The following PKN2 variants were observed in gnomAD, a reference collection of about 807,000 sequenced individuals.
The protein encoded by PKN2 is serine/threonine-protein kinase N2.
PKN2 carries 38 observed loss-of-function variants against 119.1 expected under a neutral mutation model. That is an observed-to-expected ratio of 0.32 (90% CI 0.25 to 0.42). The LOEUF (loss-of-function observed/expected upper bound fraction) is 0.42, where lower values mean the gene tolerates loss of function less well. PKN2 is among the 10% of genes least tolerant of loss of function. The probability of loss-of-function intolerance (pLI) is 1.00; values close to 1 mark genes in which losing one functional copy is unlikely to be tolerated. For synonymous variants in PKN2, 390 were observed against 384.9 expected (o/e 1.01, Z -0.15); for missense variants, 850 against 1,165.1 (o/e 0.73, Z 3.94).
chr1:88,797,355 A>G (rs545088516), intron 8 of PKN2, among the ~76,000 whole-genome samples: 1 of 151,544 alleles, frequency 6.6e-6, no homozygotes, highest in East Asian at 1.9e-4. Flanking sequence ...AAAAGAAAGA[A>G]AATGTCTTCC....
chr1:88,752,542 A>G (rs545986859), intron 2 of PKN2, among the ~76,000 whole-genome samples: 1 of 152,054 alleles, frequency 6.6e-6, no homozygotes, highest in South Asian at 2.1e-4. Context: ...CTATATTTTT[A>G]AAAAATTTGC....
At chr1:88,739,943 T>C (rs1238789502) in intron 1 of PKN2, among the ~76,000 whole-genome samples, 1 of 152,094 alleles carries the variant, frequency 6.6e-6, no homozygotes, top group East Asian at 1.9e-4. Context: ...AGTATACAGT[T>C]GGCCATTCAT....
chr1:88,690,432 A>G (rs1043840292), intron 1 of PKN2, among the ~76,000 whole-genome samples: 4 of 152,224 alleles, frequency 2.6e-5, no homozygotes, highest in African/African-American at 9.6e-5. Context: ...AAATGTCTAT[A>G]TTATTTCAAA....
chr1:88,791,594 C>T (rs1308974350), intron 8 of PKN2, among the ~76,000 whole-genome samples: 1 of 152,092 alleles, frequency 6.6e-6, no homozygotes, highest in Non-Finnish European at 1.5e-5. Flanking sequence ...TATGTCCAGT[C>T]TCTTGGATCA....
In PKN2 at chr1:88,684,375, C is replaced by T; in HGVS notation, c.-206C>T. The T allele has an allele frequency of 2.0e-6, 1 of 498,808 alleles. No homozygotes were observed. The highest frequency in any genetic ancestry group is 3.5e-6 in the Non-Finnish European group (1 of 282,366). The allele number at this position is 498,808 out of a possible 1,614,324, so 30.9% of individuals were successfully genotyped here. Reference sequence around the variant, plus strand: ...GGTGAGGGCGGCGAGAGGAAGCCCGCTACGAGTGCCCTAGCTCCCCGCCGC... The same window carrying T: ...GGTGAGGGCGGCGAGAGGAAGCCCGTTACGAGTGCCCTAGCTCCCCGCCGC... On this transcript the variant is annotated 5_prime_UTR_variant, in exon 1 of 22. Transcript: ENST00000370521.
intron 8 of PKN2, among the ~76,000 whole-genome samples, chr1:88,797,154 T>C (rs112323138): frequency 0.067 from 10,097 of 150,162 alleles, 685 homozygotes; most frequent in African/African-American, 0.18. Flanking sequence ...GCCAACATGG[T>C]GAAACCCCAT....
rs2100780711 is a variant in PKN2, at chr1:88,760,213, T to C, written c.350-9T>C. ...CTAATAAGTAATTTTAACAATATTT[T>C]ATTTACAGATTGCCCAAGGACTCCA... On this transcript the variant is annotated splice_polypyrimidine_tract_variant and intron_variant, in intron 2 of 21. Coordinates refer to ENST00000370521, the MANE Select transcript of PKN2 (RefSeq NM_006256.4). 6.9e-7 allele frequency: 1 copy of C among 1,454,012 alleles called. No individual in the cohort carries two copies. Among genetic ancestry groups the C allele is most frequent in the East Asian group, 2.3e-5 (1 of 43,776 alleles). 90.1% of individuals were successfully genotyped at this position (1,454,012 alleles called of 1,614,324 possible). A position where few individuals can be genotyped will look rare whatever the true frequency, so the allele number is the denominator to read the frequency against.
intron 3 of PKN2, among the ~76,000 whole-genome samples, chr1:88,769,128 A>C (rs1245243044): frequency 6.6e-6 from 1 of 152,228 alleles, no homozygotes; most frequent in Admixed American, 6.5e-5. Flanking sequence ...GAGGAATTAC[A>C]TTTCAAAATG....
Position 88,820,182 on chromosome 1 carries a change from AT to A in PKN2, c.2280-1758del, listed in dbSNP as rs1672192653. 4.5e-3 allele frequency among the ~76,000 whole-genome samples: 37 copies of A among 8,138 alleles called. 1 individual carries two copies. Among genetic ancestry groups the A allele is most frequent in the South Asian group, 0.012 (2 of 164 alleles). 5.3% of individuals were successfully genotyped at this position (8,138 alleles called of 152,430 possible). ...ATCAAACAAATCTTTTCAGAAACCT[AT>A]ATATATATATATATATATATATATA... On this transcript the variant is annotated intron_variant, in intron 16 of 21. Transcript: ENST00000370521.
intron 8 of PKN2, among the ~76,000 whole-genome samples, chr1:88,796,996 A>G (rs1479320171): frequency 6.6e-6 from 1 of 152,002 alleles, no homozygotes; most frequent in Non-Finnish European, 1.5e-5. Context: ...TGATTCCCAA[A>G]TAGATACAGG....
At position 88,833,629 on chromosome 1, in the gene PKN2, T is replaced by C; in HGVS notation, c.*181T>C. 1 of 582,072 alleles carries C rather than the reference T, an allele frequency of 1.7e-6. No individual in the cohort carries two copies. Among genetic ancestry groups the C allele is most frequent in the South Asian group, 2.2e-5 (1 of 46,232 alleles). 36.1% of individuals were successfully genotyped at this position (582,072 alleles called of 1,614,324 possible). A position where few individuals can be genotyped will look rare whatever the true frequency, so the allele number is the denominator to read the frequency against. ...ATACTTCTTCAAAAGTGGCTCCTCA[T>C]TGTACTTCAGCGTAAATATGAGCAC... is the stretch of plus-strand genomic sequence containing the variant. On this transcript the variant is annotated 3_prime_UTR_variant, in exon 22 of 22. Coordinates refer to ENST00000370521, the MANE Select transcript of PKN2 (RefSeq NM_006256.4).
At chr1:88,750,661 TATC>T (rs1457820958) in intron 2 of PKN2, among the ~76,000 whole-genome samples, 2 of 152,196 alleles carry the variant, frequency 1.3e-5, no homozygotes, top group African/African-American at 4.8e-5. Flanking sequence ...CTTTGCCTCT[TATC>T]ATGTCTAAAA....
chr1:88,817,482 T>TTA (rs1672047724), intron 16 of PKN2, among the ~76,000 whole-genome samples: 3 of 150,636 alleles, frequency 2.0e-5, no homozygotes, highest in Non-Finnish European at 4.4e-5. Context: ...CCGAGGTGGT[T>TTA]GGAGCACCAG....
At chr1:88,821,555 T>C (rs1672291493) in intron 16 of PKN2, among the ~76,000 whole-genome samples, 2 of 152,214 alleles carry the variant, frequency 1.3e-5, no homozygotes, top group South Asian at 4.1e-4. Context: ...TTACTTGTTA[T>C]CAAACATGTT....
chr1:88,691,255 G>C (rs566833418), intron 1 of PKN2, among the ~76,000 whole-genome samples: 4 of 151,806 alleles, frequency 2.6e-5, no homozygotes, highest in African/African-American at 9.7e-5. Flanking sequence ...TGGAGAGACG[G>C]GGTTTTGCCA....
chr1:88,706,103 G>A (rs1306918417), intron 1 of PKN2, among the ~76,000 whole-genome samples: 2 of 152,086 alleles, frequency 1.3e-5, no homozygotes, highest in Admixed American at 1.3e-4. Flanking sequence ...ACAATATTAA[G>A]TTGTCTGTTC....
intron 3 of PKN2, among the ~76,000 whole-genome samples, chr1:88,769,053 A>C (rs1669779597): frequency 6.6e-6 from 1 of 152,218 alleles, no homozygotes; most frequent in African/African-American, 2.4e-5. Context: ...GGTGGCACCA[A>C]ACAATTCATG....
At chr1:88,823,817 T>G (rs1413800171) in intron 17 of PKN2, among the ~76,000 whole-genome samples, 2 of 150,622 alleles carry the variant, frequency 1.3e-5, no homozygotes, top group Non-Finnish European at 3.0e-5. Context: ...AAGACCAGCC[T>G]GGCCAAAATA....
At chr1:88,820,347 C>T (rs1466048035) in intron 16 of PKN2, among the ~76,000 whole-genome samples, 2 of 149,348 alleles carry the variant, frequency 1.3e-5, no homozygotes, top group Non-Finnish European at 3.0e-5. Flanking sequence ...CCAGCCTGAC[C>T]ACATGGAGAA....
Sources: allele counts gnomAD v4.1 joint callset (sites outside exome capture counted in the v4.1 genomes callset), GRCh38; gene constraint gnomAD v4.1.1; transcripts MANE v1.5; gene names NCBI Gene and HGNC (gene_info 2026-07-23, HGNC 2026-07-21).